NTRK3: variants seen among roughly 807,000 people sequenced by gnomAD.
NTRK3 encodes NT-3 growth factor receptor.
In NTRK3, 24 loss-of-function variants were observed where a neutral mutation model predicts 91.7. The ratio of observed to expected loss-of-function variants is 0.26; its 90% confidence interval spans 0.19 to 0.37. NTRK3 has a LOEUF of 0.37. NTRK3 is among the 10% of genes least tolerant of loss of function. The probability of loss-of-function intolerance (pLI) is 1.00; values close to 1 mark genes in which losing one functional copy is unlikely to be tolerated. For synonymous variants in NTRK3, 483 were observed against 404.0 expected (o/e 1.20, Z -2.34); for missense variants, 880 against 1,068.9 (o/e 0.82, Z 2.46).
intron 14 of NTRK3, 77 bp from the exon 15 acceptor site, chr15:87,940,830 G>T (rs2069763398): frequency 6.2e-7 from 1 of 1,604,306 alleles, no homozygotes; most frequent in African/African-American, 1.3e-5. Context: ...GAGTACAGAG[G>T]TCTAGCGTGG....
At chr15:87,860,812 A>G in exon 19 of NTRK3, 1 of 214,624 alleles carries the variant, frequency 4.7e-6, no homozygotes, top group East Asian at 6.9e-5. Context: ...ACAAACGAGC[A>G]TCACGTAGGA....
At chr15:88,076,771 T>A (rs991462545) in intron 13 of NTRK3, among the ~76,000 whole-genome samples, 3 of 151,060 alleles carry the variant, frequency 2.0e-5, no homozygotes, top group Non-Finnish European at 4.4e-5. Context: ...CCTAACATTA[T>A]CCAGCAAGCA....
chr15:88,046,225 A>G (rs1372236942), intron 13 of NTRK3, among the ~76,000 whole-genome samples: 1 of 152,194 alleles, frequency 6.6e-6, no homozygotes, highest in African/African-American at 2.4e-5. Context: ...CTGTAGCAAT[A>G]TGTACCCTCT....
chr15:87,880,420 T>A (rs2141469287), exon 18 of NTRK3: 1 of 1,614,038 alleles, frequency 6.2e-7, no homozygotes, highest in East Asian at 2.2e-5. Context: ...GCATGGTGTG[T>A]CCTCCCACCT....
At chr15:87,895,272 T>C (rs1332521956) in intron 17 of NTRK3, among the ~76,000 whole-genome samples, 1 of 152,224 alleles carries the variant, frequency 6.6e-6, no homozygotes, top group Non-Finnish European at 1.5e-5. Flanking sequence ...TGTACTACTG[T>C]ACTATAGCAT....
At chr15:87,911,959 A>G (rs1259011069) in intron 17 of NTRK3, among the ~76,000 whole-genome samples, 1 of 152,218 alleles carries the variant, frequency 6.6e-6, no homozygotes, top group African/African-American at 2.4e-5. Context: ...CACAATAAAC[A>G]TTAAAACAAT....
intron 5 of NTRK3, among the ~76,000 whole-genome samples, chr15:88,177,714 G>T (rs2046123675): frequency 1.3e-5 from 2 of 152,144 alleles, no homozygotes; most frequent in Non-Finnish European, 2.9e-5. Context: ...GAAACTAAAG[G>T]GCACGATAGG....
At chr15:88,205,416 G>A (rs1313437946) in intron 3 of NTRK3, among the ~76,000 whole-genome samples, 4 of 152,130 alleles carry the variant, frequency 2.6e-5, no homozygotes, top group Non-Finnish European at 1.5e-5. Flanking sequence ...TCTCCCCAAG[G>A]TCCCACAGAG....
At chr15:88,182,662 G>A (rs768848488) in intron 5 of NTRK3, among the ~76,000 whole-genome samples, 3 of 152,182 alleles carry the variant, frequency 2.0e-5, no homozygotes, top group Non-Finnish European at 1.5e-5. Flanking sequence ...CTCTACAGGT[G>A]CAGCAGGTTG....
chr15:88,126,573 T>C (rs765966732), intron 12 of NTRK3, among the ~76,000 whole-genome samples, 200 bp from the exon 13 acceptor site: 1 of 152,186 alleles, frequency 6.6e-6, no homozygotes, highest in Non-Finnish European at 1.5e-5. Context: ...AATTACCCAA[T>C]TTGATTAGAG....
rs1250538521 is a variant in NTRK3, at chr15:88,011,943, AT to A, written c.1585+20913del. Among the ~76,000 whole-genome samples the A allele has an allele frequency of 5.3e-5, 8 of 152,264 alleles. No homozygotes were observed. The South Asian group carries it at 1.0e-3, about 20-fold the overall frequency. On this transcript the variant is annotated intron_variant, in intron 14 of 18. Transcript: ENST00000394480. ...CAGCTATTCCAAATCCCTTACGTAC[AT>A]TACCTCATTTAACACACACGAAGAC...
At chr15:88,226,203 A>C (rs2050661594) in intron 3 of NTRK3, among the ~76,000 whole-genome samples, 1 of 152,178 alleles carries the variant, frequency 6.6e-6, no homozygotes, top group Non-Finnish European at 1.5e-5. Context: ...AAGAGTCCTA[A>C]GCCCAGGGCA....
Position 88,113,319 on chromosome 15 carries a change from T to A in NTRK3, c.1396+12952A>T, listed in dbSNP as rs1226247735. ...CACCTGCTGATCAATTTCTTTTTTT[T>A]TTTTTTTTTTTTTTGAGACAGAGTC... On this transcript the variant is annotated intron_variant, in intron 13 of 18. Transcript: ENST00000394480. 5.6e-5 allele frequency among the ~76,000 whole-genome samples: 5 copies of A among 89,130 alleles called. No homozygotes were observed. In the Admixed American group the frequency reaches 5.8e-4, roughly 10 times the overall value. The allele number at this position is 89,130 out of a possible 152,430, so 58.5% of individuals were successfully genotyped here. A position where few individuals can be genotyped will look rare whatever the true frequency, so the allele number is the denominator to read the frequency against.
At chr15:88,057,976 G>C (rs993676452) in intron 13 of NTRK3, among the ~76,000 whole-genome samples, 4 of 152,240 alleles carry the variant, frequency 2.6e-5, no homozygotes, top group Non-Finnish European at 2.9e-5. Context: ...AAAGGAAAAG[G>C]GCGGGCCAGG....
At chr15:88,256,376 C>T (rs1389183167) in exon 2 of NTRK3, 3 of 628,978 alleles carry the variant, frequency 4.8e-6, no homozygotes, top group South Asian at 3.7e-5. Flanking sequence ...GGGTGGGAGC[C>T]GCGAGGAGCG....
intron 17 of NTRK3, among the ~76,000 whole-genome samples, chr15:87,886,669 C>T (rs2065551978): frequency 2.1e-5 from 1 of 47,812 alleles, no homozygotes; most frequent in Admixed American, 2.1e-4. Flanking sequence ...AAAAATCCCA[C>T]TTTTTGCTAT....
chr15:87,958,094 G>T (rs142035799), intron 14 of NTRK3, among the ~76,000 whole-genome samples: 411 of 152,216 alleles, frequency 2.7e-3, no homozygotes, highest in Non-Finnish European at 4.4e-3. Context: ...CCCACGTAAT[G>T]CTAAAATTAC....
At chr15:88,056,484 G>T (rs530133015) in intron 13 of NTRK3, among the ~76,000 whole-genome samples, 1 of 151,878 alleles carries the variant, frequency 6.6e-6, no homozygotes, top group Non-Finnish European at 1.5e-5. Flanking sequence ...TATCTGCCTC[G>T]GGGCCTTCGT....
intron 14 of NTRK3, among the ~76,000 whole-genome samples, chr15:88,023,029 A>G (rs1299747259): frequency 6.6e-6 from 1 of 152,174 alleles, no homozygotes; most frequent in Non-Finnish European, 1.5e-5. Context: ...AGTGTTTTCA[A>G]TTAATTTCAG....
Sources: gnomAD v4.1 joint callset for allele counts (sites outside exome capture counted in the v4.1 genomes callset) on GRCh38, gnomAD v4.1.1 for gene constraint, MANE v1.5 for transcripts, NCBI Gene and HGNC (gene_info 2026-07-23, HGNC 2026-07-21) for gene names.